TMPRSS11D: variants seen among roughly 807,000 people sequenced by gnomAD.
TMPRSS11D encodes transmembrane protease serine 11D.
TMPRSS11D carries 32 observed loss-of-function variants against 44.4 expected under a neutral mutation model. The observed-to-expected ratio is 0.72, with a 90% CI of 0.54 to 0.97. The LOEUF is 0.97. TMPRSS11D is among the 50% of genes least tolerant of loss of function. The probability of loss-of-function intolerance (pLI) is 0.00; values close to 1 mark genes in which losing one functional copy is unlikely to be tolerated. For synonymous variants in TMPRSS11D, 179 were observed against 177.9 expected, an observed-to-expected ratio of 1.01 and a Z score of -0.05; for missense variants, 446 against 502.6, an observed-to-expected ratio of 0.89 and a Z score of 1.08.
intron 1 of TMPRSS11D, among the ~76,000 whole-genome samples, chr4:67,872,008 C>A (rs1384524975): frequency 6.6e-6 from 1 of 152,038 alleles, no homozygotes; most frequent in African/African-American, 2.4e-5. Context: ...AGAGAGAGAG[C>A]CCTGACAGGT....
intron 7 of TMPRSS11D, among the ~76,000 whole-genome samples, chr4:67,830,889 T>C (rs1717928278): frequency 6.6e-6 from 1 of 152,098 alleles, no homozygotes; most frequent in Admixed American, 6.6e-5. Context: ...ATGTGATTGG[T>C]GATACCTTCT....
Position 67,835,071 on chromosome 4 carries a change from A to T in TMPRSS11D, c.514+12T>A. ...TGGCAAATTACAGTTACAAAATAAT[A>T]TTAAAACTTACCATTAATAAGCCAA... On this transcript the variant is annotated intron_variant, in intron 6 of 9. Transcript: ENST00000283916. 1 of 1,611,324 alleles carries T rather than the reference A, an allele frequency of 6.2e-7. No individual in the cohort carries two copies. The highest frequency in any genetic ancestry group is 8.5e-7 in the Non-Finnish European group (1 of 1,177,942).
At chr4:67,834,191 G>A (rs985704086) in intron 6 of TMPRSS11D, among the ~76,000 whole-genome samples, 1 of 152,042 alleles carries the variant, frequency 6.6e-6, no homozygotes, top group African/African-American at 2.4e-5. Flanking sequence ...GAAATTAATG[G>A]TAAATCACAC....
At position 67,825,825 on chromosome 4, in the gene TMPRSS11D, A is replaced by G; in HGVS notation, c.1002T>C (p.Asn334=). Residue 334 remains asparagine (N), a synonymous_variant, in exon 9 of 10, where the codon AAT becomes AAC. Transcript: ENST00000283916. Reference sequence around the variant, plus strand: ...AACTATGTGGTGCATTACATACATCATTACTTATTATTCTGACCTGTCCTT... The same window carrying G: ...AACTATGTGGTGCATTACATACATCGTTACTTATTATTCTGACCTGTCCTT... The part of the protein sequence containing the change: ...LRQGQVRIIS[N]DVCNAPHSYN... 10 of 1,613,168 alleles carry G rather than the reference A, an allele frequency of 6.2e-6. No homozygotes were observed. The highest frequency in any genetic ancestry group is 8.5e-6 in the Non-Finnish European group (10 of 1,179,434).
At chr4:67,826,961 T>C (rs888362159) in intron 8 of TMPRSS11D, among the ~76,000 whole-genome samples, 2 of 152,068 alleles carry the variant, frequency 1.3e-5, no homozygotes, top group African/African-American at 4.8e-5. Flanking sequence ...TTTTTTATTG[T>C]TTATAGGGAA....
At chr4:67,858,466 G>C (rs1718711301) in intron 2 of TMPRSS11D, among the ~76,000 whole-genome samples, 1 of 152,118 alleles carries the variant, frequency 6.6e-6, no homozygotes, top group Non-Finnish European at 1.5e-5. Flanking sequence ...GCAAAATGCA[G>C]TCAAAAGCAA....
chr4:67,871,695 A>G (rs901406241), intron 1 of TMPRSS11D, among the ~76,000 whole-genome samples: 3 of 152,154 alleles, frequency 2.0e-5, no homozygotes, highest in Non-Finnish European at 4.4e-5. Flanking sequence ...GGCATTTTAC[A>G]TCTGCCCAAA....
intron 1 of TMPRSS11D, among the ~76,000 whole-genome samples, chr4:67,880,225 G>T (rs928799504): frequency 2.0e-4 from 31 of 152,274 alleles, no homozygotes; most frequent in South Asian, 8.3e-4. Flanking sequence ...TTTATTAATA[G>T]ATGTCTCGTA....
chr4:67,846,570 A>G (rs1040242631), intron 3 of TMPRSS11D, among the ~76,000 whole-genome samples: 1 of 152,202 alleles, frequency 6.6e-6, no homozygotes, highest in Non-Finnish European at 1.5e-5. Context: ...AAATCATGAC[A>G]CTAAGTTGTC....
chr4:67,867,233 A>G (rs1388974973), intron 1 of TMPRSS11D, among the ~76,000 whole-genome samples: 1 of 152,142 alleles, frequency 6.6e-6, no homozygotes, highest in African/African-American at 2.4e-5. Flanking sequence ...CACTGGGGAA[A>G]GGACACCCCA....
chr4:67,869,279 A>G (rs1718996266), intron 1 of TMPRSS11D, among the ~76,000 whole-genome samples: 1 of 152,134 alleles, frequency 6.6e-6, no homozygotes, highest in African/African-American at 2.4e-5. Flanking sequence ...CTGCCTTTGG[A>G]TTAAAAAATA....
At chr4:67,823,793 T>C (rs1206297571) in intron 9 of TMPRSS11D, among the ~76,000 whole-genome samples, 1 of 152,108 alleles carries the variant, frequency 6.6e-6, no homozygotes, top group African/African-American at 2.4e-5. Flanking sequence ...GTTAACCAGT[T>C]CTCAGTTCTT....
intron 1 of TMPRSS11D, among the ~76,000 whole-genome samples, chr4:67,869,417 C>G (rs1222244834): frequency 6.6e-6 from 1 of 151,902 alleles, no homozygotes; most frequent in African/African-American, 2.4e-5. Flanking sequence ...TTATGATTAC[C>G]TATACGCTAT....
In TMPRSS11D at chr4:67,860,678, C is replaced by T. The variant is rs761317167; in HGVS notation, c.9-1000G>A. On this transcript the variant is annotated intron_variant, in intron 1 of 9. Coordinates refer to ENST00000283916, the MANE Select transcript of TMPRSS11D (RefSeq NM_004262.3). ...ATTTATGATATTTATAAATATTTAT[C>T]GCCTGTGTTAATTCTTGACATGTTT... Among the ~76,000 whole-genome samples, 9 of 152,038 alleles carry T rather than the reference C, an allele frequency of 5.9e-5. No homozygotes were observed. In the South Asian group the frequency reaches 1.0e-3, roughly 18 times the overall value.
intron 7 of TMPRSS11D, among the ~76,000 whole-genome samples, chr4:67,831,185 T>TA (rs1398609813): frequency 4.6e-5 from 7 of 152,070 alleles, no homozygotes; most frequent in Non-Finnish European, 1.0e-4. Context: ...ATAAAAAAAT[T>TA]TCTGTGGAAC....
At chr4:67,827,212 G>C in intron 8 of TMPRSS11D, 49 bp downstream of exon 8, 1 of 1,538,128 alleles carries the variant, frequency 6.5e-7, no homozygotes. Flanking sequence ...TTACCTAATA[G>C]CAAATATAAG....
At chr4:67,865,550 G>GAAA (rs1718903772) in intron 1 of TMPRSS11D, among the ~76,000 whole-genome samples, 1 of 149,556 alleles carries the variant, frequency 6.7e-6, no homozygotes, top group Non-Finnish European at 1.5e-5. Context: ...TTGGTTACTT[G>GAAA]AAAAGATAAA....
rs146031111 is a variant in TMPRSS11D, at chr4:67,877,200, A to G, written c.8+6726T>C. 1.2e-3 allele frequency among the ~76,000 whole-genome samples: 179 copies of G among 152,184 alleles called. 1 individual carries two copies. Among genetic ancestry groups the G allele is most frequent in the Non-Finnish European group, 1.5e-3 (100 of 67,996 alleles). On this transcript the variant is annotated intron_variant, in intron 1 of 9. Coordinates refer to ENST00000283916, the MANE Select transcript of TMPRSS11D (RefSeq NM_004262.3). The stretch of plus-strand genomic sequence containing the variant: ...TTGCTAATTGCATCTCCTCTAGTCA[A>G]CCTAAGTGTCTGGTGTTGCTCCATG...
intron 3 of TMPRSS11D, among the ~76,000 whole-genome samples, chr4:67,853,225 A>G (rs1398074488): frequency 6.6e-6 from 1 of 152,180 alleles, no homozygotes; most frequent in Admixed American, 6.5e-5. Flanking sequence ...TGTAAATTAG[A>G]TTAGAAGGAA....
Sources: allele counts gnomAD v4.1 joint callset (sites outside exome capture counted in the v4.1 genomes callset), GRCh38; gene constraint gnomAD v4.1.1; transcripts MANE v1.5; gene names NCBI Gene and HGNC (gene_info 2026-07-23, HGNC 2026-07-21).